Variants in PDZRN3 observed in about 807,000 individuals in gnomAD.
The protein encoded by PDZRN3 is PDZ domain containing ring finger 3.
PDZRN3 carries 38 observed loss-of-function variants against 85.7 expected under a neutral mutation model. The observed-to-expected ratio is 0.44, with a 90% CI of 0.34 to 0.58. The LOEUF is 0.58. Among genes scored for constraint, PDZRN3 ranks in the 20% least tolerant of loss-of-function variants. PDZRN3 has a pLI of 0.01. For missense variants in PDZRN3, 1,629 were observed against 1,506.4 expected, an observed-to-expected ratio of 1.08 and a Z score of -1.35; for synonymous variants, 759 against 638.0, an observed-to-expected ratio of 1.19 and a Z score of -2.86.
chr3:73,528,483 A>T (rs1704576290), intron 3 of PDZRN3, among the ~76,000 whole-genome samples: 1 of 152,178 alleles, frequency 6.6e-6, no homozygotes, highest in African/African-American at 2.4e-5. Flanking sequence ...AGCCCAAGAG[A>T]GAGTCTTGGG....
intron 3 of PDZRN3, among the ~76,000 whole-genome samples, chr3:73,520,937 G>A (rs888601091): frequency 6.6e-6 from 1 of 152,214 alleles, no homozygotes; most frequent in Non-Finnish European, 1.5e-5. Flanking sequence ...TCAGTGGGCT[G>A]AGGCCAGAGC....
intron 3 of PDZRN3, among the ~76,000 whole-genome samples, chr3:73,472,585 T>A (rs1471910627): frequency 1.3e-5 from 2 of 152,222 alleles, no homozygotes; most frequent in African/African-American, 4.8e-5. Context: ...CAAAGCACCA[T>A]TTATCAAACT....
At chr3:73,567,868 T>C (rs1176387531) in intron 3 of PDZRN3, among the ~76,000 whole-genome samples, 1 of 152,192 alleles carries the variant, frequency 6.6e-6, no homozygotes, top group African/African-American at 2.4e-5. Context: ...CTTGCCTTCA[T>C]GGAGTTTATG....
chr3:73,431,363 G>A (rs540641828), intron 3 of PDZRN3, among the ~76,000 whole-genome samples: 2 of 152,308 alleles, frequency 1.3e-5, no homozygotes, highest in East Asian at 3.9e-4. Context: ...CCCTAATGAA[G>A]AGCATCTCTT....
rs374308627 is a variant in PDZRN3 at position 73,576,605 on chromosome 3, T to A, written c.918+25749A>T. 4.6e-5 allele frequency among the ~76,000 whole-genome samples: 7 copies of A among 152,218 alleles called. No individual in the cohort carries two copies. The East Asian group carries it at 1.3e-3, about 29-fold the overall frequency. ...GTCCCCCTAAGTACTAGGAAATTTA[T>A]CTTTTCAAGACAAGCATCACCACCA... On this transcript the variant is annotated intron_variant, in intron 3 of 9. Coordinates refer to ENST00000263666, the MANE Select transcript of PDZRN3 (RefSeq NM_015009.3).
chr3:73,416,889 T>G lies in PDZRN3; in HGVS notation c.919-12494A>C, dbSNP rs1200780924. ...TGTTTTTTTTTGGTTTTTTTTTTTT[T>G]TTTTTTTTTTTTTTTTTTTTGAGAC... On this transcript the variant is annotated intron_variant, in intron 3 of 9. Coordinates refer to ENST00000263666, the MANE Select transcript of PDZRN3 (RefSeq NM_015009.3). 2.9e-3 allele frequency among the ~76,000 whole-genome samples: 387 copies of G among 135,012 alleles called. 1 individual carries two copies. The highest frequency in any genetic ancestry group is 0.011 in the African/African-American group (363 of 31,906). 88.6% of individuals were successfully genotyped at this position (135,012 alleles called of 152,430 possible).
chr3:73,400,376 T>A (rs1335055380), intron 5 of PDZRN3, among the ~76,000 whole-genome samples: 2 of 152,260 alleles, frequency 1.3e-5, no homozygotes, highest in African/African-American at 4.8e-5. Flanking sequence ...TGACATTATG[T>A]AGCATCTTGA....
At chr3:73,605,142 G>A (rs1354832251) in intron 2 of PDZRN3, among the ~76,000 whole-genome samples, 1 of 151,772 alleles carries the variant, frequency 6.6e-6, no homozygotes. Flanking sequence ...GGGAGGCAGA[G>A]GTTGCAGTGA....
At position 73,548,742 on chromosome 3, in the gene PDZRN3, ATTGTT is replaced by A. The variant is rs1701486115; in HGVS notation, c.918+53607_918+53611del. Among the ~76,000 whole-genome samples, 3 of 152,344 alleles carry A rather than the reference ATTGTT, an allele frequency of 2.0e-5. No individual in the cohort carries two copies. The South Asian group carries it at 6.2e-4, about 32-fold the overall frequency. On this transcript the variant is annotated intron_variant, in intron 3 of 9. Transcript: ENST00000263666. Reference sequence around the variant, plus strand: ...CCTGTTTTAGTTAAAAATTAAATGGATTGTTTTAATTTTATGTCAGAAAGCCAGTG... The same window carrying A: ...CCTGTTTTAGTTAAAAATTAAATGGATTAATTTTATGTCAGAAAGCCAGTG...
intron 3 of PDZRN3, among the ~76,000 whole-genome samples, chr3:73,416,875 G>GTTT (rs1491373717): frequency 5.6e-4 from 23 of 40,738 alleles, no homozygotes; most frequent in South Asian, 1.1e-3. Context: ...GTTTTTTTTT[G>GTTT]GTTTTTTTTT....
At chr3:73,537,604 TTC>T (rs1358346158) in intron 3 of PDZRN3, among the ~76,000 whole-genome samples, 1 of 130,876 alleles carries the variant, frequency 7.6e-6, no homozygotes, top group Non-Finnish European at 1.7e-5. Context: ...ACCTGTTATC[TTC>T]TTTTTTTTAA....
At chr3:73,527,669 T>C (rs1367635636) in intron 3 of PDZRN3, among the ~76,000 whole-genome samples, 1 of 152,224 alleles carries the variant, frequency 6.6e-6, no homozygotes, top group Non-Finnish European at 1.5e-5. Context: ...GTGGCTGTCT[T>C]TCTTTGAGCT....
At position 73,487,971 on chromosome 3, in the gene PDZRN3, C is replaced by T. The variant is rs1266546254; in HGVS notation, c.919-83576G>A. ...GTGTAGGAGAAAAACACATTATATG[C>T]CTACTGTGGGCTGATATTCCCCAAT... On this transcript the variant is annotated intron_variant, in intron 3 of 9. Transcript: ENST00000263666. Among the ~76,000 whole-genome samples, 3 of 152,266 alleles carry T rather than the reference C, an allele frequency of 2.0e-5. No individual in the cohort carries two copies. In the South Asian group the frequency reaches 6.2e-4, roughly 32 times the overall value.
chr3:73,452,491 A>C (rs1172103728), intron 3 of PDZRN3, among the ~76,000 whole-genome samples: 2 of 152,184 alleles, frequency 1.3e-5, no homozygotes, highest in Non-Finnish European at 2.9e-5. Context: ...GCTTCTCTCT[A>C]TGATTTCACT....
At chr3:73,521,216 A>G (rs1263882913) in intron 3 of PDZRN3, among the ~76,000 whole-genome samples, 1 of 152,172 alleles carries the variant, frequency 6.6e-6, no homozygotes, top group Non-Finnish European at 1.5e-5. Context: ...CCACTCCGTC[A>G]GCACCCCTCC....
At chr3:73,483,725 C>T (rs1253661982) in intron 3 of PDZRN3, among the ~76,000 whole-genome samples, 2 of 152,084 alleles carry the variant, frequency 1.3e-5, no homozygotes, top group African/African-American at 4.8e-5. Context: ...AAGGGTAGCC[C>T]AGAAGGAGGA....
chr3:73,594,743 T>C (rs565968990), intron 3 of PDZRN3, among the ~76,000 whole-genome samples: 56 of 152,250 alleles, frequency 3.7e-4, no homozygotes, highest in African/African-American at 1.3e-3. Flanking sequence ...TAGTAAAGAC[T>C]ATTAAGGTAA....
At chr3:73,602,700 C>T (rs965913328) in intron 2 of PDZRN3, among the ~76,000 whole-genome samples, 10 of 152,232 alleles carry the variant, frequency 6.6e-5, no homozygotes, top group Admixed American at 1.3e-4. Flanking sequence ...CATTGTCCTT[C>T]TTCCCCCGCC....
chr3:73,423,536 T>G (rs1466554289), intron 3 of PDZRN3, among the ~76,000 whole-genome samples: 5 of 152,260 alleles, frequency 3.3e-5, no homozygotes, highest in Non-Finnish European at 7.3e-5. Context: ...AACTTTTTGC[T>G]TAAGATTTAT....
Sources: allele counts gnomAD v4.1 joint callset (sites outside exome capture counted in the v4.1 genomes callset), GRCh38; gene constraint gnomAD v4.1.1; transcripts MANE v1.5; gene names NCBI Gene and HGNC (gene_info 2026-07-23, HGNC 2026-07-21).